The following UBE2K variants were observed in gnomAD, a reference collection of about 807,000 sequenced individuals.
The protein encoded by UBE2K is ubiquitin-conjugating enzyme E2 K.
A neutral mutation model predicts 30.0 loss-of-function variants in UBE2K; 6 were observed. The ratio of observed to expected loss-of-function variants is 0.20; its 90% CI spans 0.11 to 0.39. The LOEUF (loss-of-function observed/expected upper bound fraction) is 0.39, where lower values mean the gene tolerates loss of function less well. Among genes scored for constraint, UBE2K ranks in the 10% least tolerant of loss-of-function variants. The pLI, the probability that UBE2K is intolerant of heterozygous loss-of-function variation, is 1.00. For missense variants in UBE2K, 61 were observed against 241.6 expected (o/e 0.25, Z 4.96); for synonymous variants, 86 against 83.7 (o/e 1.03, Z -0.15).
At chr4:39,745,702 T>A in intron 2 of UBE2K, 50 bp from the exon 3 acceptor site, 1 of 1,238,646 alleles carries the variant, frequency 8.1e-7, no homozygotes, top group Non-Finnish European at 1.2e-6. Flanking sequence ...ATTTGTCTTA[T>A]ATATTTGAAT....
At chr4:39,735,869 T>A (rs116404393) in intron 1 of UBE2K, among the ~76,000 whole-genome samples, 1 of 152,228 alleles carries the variant, frequency 6.6e-6, no homozygotes, top group African/African-American at 2.4e-5. Context: ...AGTAAGTTTT[T>A]AAATCCTATG....
intron 1 of UBE2K, among the ~76,000 whole-genome samples, chr4:39,721,088 C>T (rs1048459155): frequency 6.6e-6 from 1 of 152,024 alleles, no homozygotes; most frequent in African/African-American, 2.4e-5. Flanking sequence ...GACTGTCCTA[C>T]GACTGTTTTT....
In UBE2K at chr4:39,779,042, A is replaced by ACCCCCCCCCCCCCCCCCCCTGCCCCC. The variant is rs3839130; in HGVS notation, c.*616_*617insCCCCCCCCCCCTGCCCCCCCCCCCCC. 3 of 128,218 alleles carry ACCCCCCCCCCCCCCCCCCCTGCCCCC rather than the reference A, an allele frequency of 2.3e-5. No homozygotes were observed. The highest frequency in any genetic ancestry group is 1.7e-4 in the Admixed American group (2 of 11,466). The allele number at this position is 128,218 out of a possible 1,614,324, so 7.9% of individuals were successfully genotyped here. A position where few individuals can be genotyped will look rare whatever the true frequency, so the allele number is the denominator to read the frequency against. ...TGGGACAGTGTCTGATTCCCCCTTC[A>ACCCCCCCCCCCCCCCCCCCTGCCCCC]CCCCCCCCACCCCCGCCTTGCCACA... On this transcript the variant is annotated 3_prime_UTR_variant, in exon 7 of 7. Transcript: ENST00000261427.
At chr4:39,742,507 C>T (rs951165105) in intron 2 of UBE2K, among the ~76,000 whole-genome samples, 3 of 151,866 alleles carry the variant, frequency 2.0e-5, no homozygotes, top group South Asian at 2.1e-4. Flanking sequence ...GAGGCTGAGG[C>T]GGGTAGATTA....
chr4:39,774,306 TAAA>T (rs917651487), intron 4 of UBE2K, among the ~76,000 whole-genome samples: 1 of 143,752 alleles, frequency 7.0e-6, no homozygotes, highest in Non-Finnish European at 1.5e-5. Context: ...ACACTGTCAT[TAAA>T]AAAAAGAAAA....
At chr4:39,771,169 G>C in intron 4 of UBE2K, 2 of 1,613,058 alleles carry the variant, frequency 1.2e-6, no homozygotes, top group Non-Finnish European at 8.5e-7. Context: ...CAGGGTGCCC[G>C]TGTAGCAGGA....
intron 2 of UBE2K, among the ~76,000 whole-genome samples, chr4:39,740,720 A>C (rs1188563209): frequency 8.2e-6 from 1 of 121,702 alleles, no homozygotes; most frequent in Non-Finnish European, 1.7e-5. Context: ...AAAATTAGCC[A>C]GGCGTGATGG....
At chr4:39,699,989 G>T (rs1717918467) in intron 1 of UBE2K, among the ~76,000 whole-genome samples, 1 of 152,084 alleles carries the variant, frequency 6.6e-6, no homozygotes, top group African/African-American at 2.4e-5. Context: ...ATGTATTCCA[G>T]GTTAGTTGAC....
chr4:39,707,727 C>T (rs1244250560), intron 1 of UBE2K, among the ~76,000 whole-genome samples: 6 of 151,398 alleles, frequency 4.0e-5, no homozygotes, highest in Admixed American at 4.0e-4. Flanking sequence ...ATTGTGTTGC[C>T]CAGGTTGGTC....
intron 2 of UBE2K, among the ~76,000 whole-genome samples, chr4:39,743,603 CAA>C (rs547385325): frequency 2.8e-4 from 31 of 112,530 alleles, no homozygotes; most frequent in Non-Finnish European, 3.2e-4. Flanking sequence ...GACTCCGTCT[CAA>C]AAAAAAAAAA....
At position 39,704,361 on chromosome 4, in the gene UBE2K, ATTTC is replaced by A. The variant is rs1459894830; in HGVS notation, c.63+5974_63+5977del. 2.0e-4 allele frequency among the ~76,000 whole-genome samples: 30 copies of A among 152,094 alleles called. No homozygotes were observed. The East Asian group carries it at 5.2e-3, about 26-fold the overall frequency. Reference sequence around the variant, plus strand: ...CAGTTTTATGTAATATTTAAATAGTATTTCTTATGGTTTCTGGAATGGGTTGAGC... The same window carrying A: ...CAGTTTTATGTAATATTTAAATAGTATTATGGTTTCTGGAATGGGTTGAGC... On this transcript the variant is annotated intron_variant, in intron 1 of 6. Coordinates refer to ENST00000261427, the MANE Select transcript of UBE2K (RefSeq NM_005339.5).
intron 1 of UBE2K, among the ~76,000 whole-genome samples, chr4:39,715,052 G>T (rs1207149779): frequency 6.8e-6 from 1 of 146,128 alleles, no homozygotes; most frequent in Non-Finnish European, 1.5e-5. Context: ...TTGAGACGGA[G>T]TCTCACTCTG....
At chr4:39,749,825 C>T (rs75822402) in intron 3 of UBE2K, among the ~76,000 whole-genome samples, 1 of 152,178 alleles carries the variant, frequency 6.6e-6, no homozygotes, top group Admixed American at 6.5e-5. Context: ...TTCAAAATAG[C>T]ATTTTCTTTT....
chr4:39,698,324 A>C lies in UBE2K; in HGVS notation c.-4A>C, dbSNP rs1365887357. On this transcript the variant is annotated 5_prime_UTR_variant, in exon 1 of 7. Transcript: ENST00000261427. ...GCGGGTACGAATCAGCTGCGGGCGG[A>C]GACATGGCCAACATCGCGGTGCAGC... The C allele has an allele frequency of 1.9e-6, 3 of 1,611,096 alleles. No individual in the cohort carries two copies. The highest frequency in any genetic ancestry group is 8.5e-7 in the Non-Finnish European group (1 of 1,178,952).
intron 4 of UBE2K, chr4:39,771,270 C>T: frequency 5.6e-6 from 9 of 1,611,696 alleles, no homozygotes; most frequent in Non-Finnish European, 6.8e-6. Context: ...CCCGCAGGAA[C>T]GGTGAGCAGG....
At chr4:39,752,538 G>T (rs188844176) in intron 3 of UBE2K, among the ~76,000 whole-genome samples, 4 of 151,778 alleles carry the variant, frequency 2.6e-5, no homozygotes, top group African/African-American at 9.7e-5. Context: ...GGGTTTCACC[G>T]TGTTAGCCAG....
At chr4:39,770,826 G>A in intron 4 of UBE2K, 1 of 1,547,638 alleles carries the variant, frequency 6.5e-7, no homozygotes, top group Non-Finnish European at 8.7e-7. Context: ...GCAGATGTCA[G>A]ATACGTCCTC....
At position 39,770,954 on chromosome 4, in the gene UBE2K, G is replaced by T. The variant is rs575888702; in HGVS notation, c.300-3880G>T. On this transcript the variant is annotated intron_variant, in intron 4 of 6. Coordinates refer to ENST00000261427, the MANE Select transcript of UBE2K (RefSeq NM_005339.5). ...GTGGGGGGTGGGGGCTTCGGGGCTGGCTTTGGGGTCCTGGCTGGAGGGAGG... is the reference window on the plus strand; with the variant it reads ...GTGGGGGGTGGGGGCTTCGGGGCTGTCTTTGGGGTCCTGGCTGGAGGGAGG... 1.5e-5 allele frequency: 24 copies of T among 1,587,042 alleles called. No individual in the cohort carries two copies. The East Asian group carries it at 5.4e-4, about 35-fold the overall frequency.
chr4:39,718,914 T>C (rs28680293), intron 1 of UBE2K, among the ~76,000 whole-genome samples: 19,711 of 152,312 alleles, frequency 0.13, 1,381 homozygotes, highest in East Asian at 0.22. Flanking sequence ...CTGAGGGAGC[T>C]GGCTCCGGCC....
Sources: allele counts gnomAD v4.1 joint callset (sites outside exome capture counted in the v4.1 genomes callset), GRCh38; gene constraint gnomAD v4.1.1; transcripts MANE v1.5; gene names NCBI Gene and HGNC (gene_info 2026-07-23, HGNC 2026-07-21).